DPEP1: variants seen among roughly 807,000 people sequenced by gnomAD.
DPEP1 encodes dipeptidase 1.
Under a neutral mutation model 42.3 loss-of-function variants are expected in DPEP1, and 50 were observed. The observed-to-expected ratio is 1.18, with a 90% confidence interval of 0.94 to 1.50. The LOEUF (loss-of-function observed/expected upper bound fraction) is 1.50, where lower values mean the gene tolerates loss of function less well. DPEP1 is among the 40% of genes most tolerant of loss of function. The probability of loss-of-function intolerance (pLI) is 0.00; values close to 1 mark genes in which losing one functional copy is unlikely to be tolerated. For synonymous variants in DPEP1, 297 were observed against 234.0 expected, an observed-to-expected ratio of 1.27 and a Z score of -2.46; for missense variants, 663 against 553.0, an observed-to-expected ratio of 1.20 and a Z score of -1.99.
intron 1 of DPEP1, among the ~76,000 whole-genome samples, chr16:89,617,525 G>T (rs1403319072): frequency 6.6e-6 from 1 of 151,996 alleles, no homozygotes; most frequent in African/African-American, 2.4e-5. Context: ...AAGGACAGGA[G>T]CCCACACCTG....
In DPEP1 at chr16:89,636,660, C is replaced by G; in HGVS notation, c.498C>G (p.Leu166=). 2 of 1,612,550 alleles carry G rather than the reference C, an allele frequency of 1.2e-6. No homozygotes were observed. The highest frequency in any genetic ancestry group is 1.7e-6 in the Non-Finnish European group (2 of 1,179,928). ...AGCTGGGCATGCGGTACCTGACCCT[C>G]ACCCACAGCTGCAACACGCCCTGGT... ...LYQLGMRYLT[L]THSCNTPWAD... Residue 166 remains leucine, a synonymous_variant, in exon 5 of 11, where the codon CTC becomes CTG. Transcript: ENST00000690203.
rs186189135 is a variant in DPEP1 at position 89,624,372 on chromosome 16, G to A, written c.-106-5933G>A. ...GCAGGTGTCACTGGAAGGATGGCCT[G>A]GACCGTAATAGTCCATGTCCTCGGC... On this transcript the variant is annotated intron_variant, in intron 1 of 10. Coordinates refer to ENST00000690203, the MANE Select transcript of DPEP1 (RefSeq NM_001389466.1). Among the ~76,000 whole-genome samples, 199 of 152,232 alleles carry A rather than the reference G, an allele frequency of 1.3e-3. 5 individuals are homozygous for A. Among genetic ancestry groups the A allele is most frequent in the Admixed American group, 0.013 (197 of 15,266 alleles).
At position 89,636,874 on chromosome 16, in the gene DPEP1, A is replaced by G; in HGVS notation, c.530A>G (p.Asn177Ser). 1 of 1,612,500 alleles carries G rather than the reference A, an allele frequency of 6.2e-7. No individual in the cohort carries two copies. Among genetic ancestry groups the G allele is most frequent in the Non-Finnish European group, 8.5e-7 (1 of 1,179,910 alleles). ...THSCNTPWAD[N>S]WLVDTGDSEP... ...GCCTTTTGCTTCTCCAGGGCTGACA[A>G]CTGGCTGGTGGACACGGGAGACAGC... The change falls in exon 6 of 11, where the codon AAC becomes AGC. Residue 177 changes from asparagine (N) to serine (S), a missense_variant. Coordinates refer to ENST00000690203, the MANE Select transcript of DPEP1 (RefSeq NM_001389466.1).
chr16:89,621,675 GGGCTCAGGTGAGCAGGTGCGCGTGTGC>G (rs1222431028), intron 1 of DPEP1, among the ~76,000 whole-genome samples: 1 of 152,222 alleles, frequency 6.6e-6, no homozygotes, highest in Non-Finnish European at 1.5e-5. Context: ...ATGCAAGGAA[GGGCTCAGGTGAGCAGGTGCGCGTGTGC>G]GGCTCACCTG....
At chr16:89,628,610 C>G (rs571802541) in intron 1 of DPEP1, among the ~76,000 whole-genome samples, 1 of 151,970 alleles carries the variant, frequency 6.6e-6, no homozygotes, top group Non-Finnish European at 1.5e-5. Context: ...ACAGTGGCCT[C>G]AAGTTCTCTC....
At chr16:89,641,178 AAC>A (rs1387433666), downstream of DPEP1, among the ~76,000 whole-genome samples, 1 of 152,128 alleles carries the variant, frequency 6.6e-6, no homozygotes, top group Non-Finnish European at 1.5e-5. Context: ...TGACCGCTGA[AAC>A]ACAGCATCAC....
At chr16:89,638,015 C>G in intron 10 of DPEP1, 37 bp from the exon 11 acceptor site, 1 of 1,609,716 alleles carries the variant, frequency 6.2e-7, no homozygotes, top group South Asian at 1.1e-5. Flanking sequence ...CCACCACCAG[C>G]AGGCAGGCTG....
chr16:89,641,156 G>A (rs947237315), downstream of DPEP1, among the ~76,000 whole-genome samples: 9 of 152,216 alleles, frequency 5.9e-5, no homozygotes, highest in East Asian at 1.9e-4. Flanking sequence ...ACATGAAGGC[G>A]GACTGGGAGC....
intron 1 of DPEP1, among the ~76,000 whole-genome samples, chr16:89,624,292 G>A (rs528281076): frequency 5.3e-5 from 8 of 152,218 alleles, no homozygotes; most frequent in South Asian, 2.1e-4. Context: ...TGGCACCAGC[G>A]TCTGCCTTTG....
intron 2 of DPEP1, among the ~76,000 whole-genome samples, chr16:89,632,306 G>A: frequency 6.6e-6 from 1 of 152,178 alleles, no homozygotes; most frequent in Non-Finnish European, 1.5e-5. Flanking sequence ...GCCCGCCTCG[G>A]CCTCCCACAG....
rs749759032 is a variant in DPEP1, at chr16:89,638,229, G to GT, written c.*7_*8insT. On this transcript the variant is annotated 3_prime_UTR_variant, in exon 11 of 11. Coordinates refer to ENST00000690203, the MANE Select transcript of DPEP1 (RefSeq NM_001389466.1). Reference sequence around the variant, plus strand: ...CTGTCTGTCTCTCCTGTGAAACCTGGGAGACCAGAGTCCCCTTTAGGGTTC... The same window carrying GT: ...CTGTCTGTCTCTCCTGTGAAACCTGGTGAGACCAGAGTCCCCTTTAGGGTTC... The GT allele has an allele frequency of 4.5e-6, 7 of 1,542,902 alleles. No homozygotes were observed. The Admixed American group carries it at 1.4e-4, about 30-fold the overall frequency.
rs911398476 is a variant in DPEP1, at chr16:89,636,208, G to T, written c.238-56G>T. 1.1e-5 allele frequency: 18 copies of T among 1,571,588 alleles called. 1 individual carries two copies. In the East Asian group the frequency reaches 1.2e-4, roughly 10 times the overall value. ...GGAAACCAGACTCCCACAGGCATGC[G>T]GGGGGTGGGCTGAGACCTGGCTGCA... is the stretch of plus-strand genomic sequence containing the variant. On this transcript the variant is annotated intron_variant, in intron 3 of 10. Transcript: ENST00000690203.
chr16:89,627,456 G>A (rs1336620996), intron 1 of DPEP1, among the ~76,000 whole-genome samples: 13 of 150,486 alleles, frequency 8.6e-5, no homozygotes, highest in Admixed American at 7.3e-4. Context: ...TGTGGTGTGC[G>A]CCTGTAATCC....
At chr16:89,631,779 C>A (rs1276981371) in intron 2 of DPEP1, among the ~76,000 whole-genome samples, 2 of 152,148 alleles carry the variant, frequency 1.3e-5, no homozygotes, top group Non-Finnish European at 2.9e-5. Context: ...ATCACTTGAA[C>A]TCGGGAGGCG....
chr16:89,633,350 G>A (rs1047949946), intron 2 of DPEP1, among the ~76,000 whole-genome samples: 3 of 152,236 alleles, frequency 2.0e-5, no homozygotes, highest in African/African-American at 4.8e-5. Flanking sequence ...AGCATCAGGC[G>A]TGCGCCCGCC....
At chr16:89,631,164 G>T (rs1323717904) in intron 2 of DPEP1, among the ~76,000 whole-genome samples, 1 of 152,088 alleles carries the variant, frequency 6.6e-6, no homozygotes, top group Non-Finnish European at 1.5e-5. Flanking sequence ...ACTCCCCCCG[G>T]CCTGCCTTCT....
chr16:89,635,456 T>A (rs1165899770), intron 2 of DPEP1, among the ~76,000 whole-genome samples: 4 of 152,244 alleles, frequency 2.6e-5, no homozygotes, highest in South Asian at 2.1e-4. Flanking sequence ...GTCAGGCCGT[T>A]CCAATTACCC....
At chr16:89,636,216 G>A (rs1041313336) in intron 3 of DPEP1, 48 bp from the exon 4 acceptor site, 5 of 1,577,844 alleles carry the variant, frequency 3.2e-6, no homozygotes, top group Non-Finnish European at 4.3e-6. Flanking sequence ...GCGGGGGGTG[G>A]GCTGAGACCT....
intron 1 of DPEP1, among the ~76,000 whole-genome samples, chr16:89,615,817 G>T (rs1441062132): frequency 6.6e-6 from 1 of 152,178 alleles, no homozygotes; most frequent in Admixed American, 6.5e-5. Context: ...CTGGCCGGCT[G>T]GTGGGGTGTG....
Sources: gnomAD v4.1 joint callset for allele counts (sites outside exome capture counted in the v4.1 genomes callset) on GRCh38, gnomAD v4.1.1 for gene constraint, MANE v1.5 for transcripts, NCBI Gene and HGNC (gene_info 2026-07-23, HGNC 2026-07-21) for gene names.